The following PLCH1 variants were observed in gnomAD, a reference collection of about 807,000 sequenced individuals.
PLCH1 encodes the protein phospholipase C eta 1, also known as 1-phosphatidylinositol 4,5-bisphosphate phosphodiesterase eta-1.
Under a neutral mutation model 126.7 loss-of-function variants are expected in PLCH1, and 60 were observed. That is an observed-to-expected ratio of 0.47 (90% CI 0.38 to 0.59). The LOEUF is 0.59. PLCH1 is among the 20% of genes least tolerant of loss of function. The probability of loss-of-function intolerance (pLI) is 0.00; values close to 1 mark genes in which losing one functional copy is unlikely to be tolerated. For missense variants in PLCH1, 1,723 were observed against 2,040.0 expected (o/e 0.84, Z 2.99); for synonymous variants, 719 against 734.9 (o/e 0.98, Z 0.35).
intron 2 of PLCH1, among the ~76,000 whole-genome samples, chr3:155,652,537 G>C (rs1740831315): frequency 6.6e-6 from 1 of 152,138 alleles, no homozygotes; most frequent in Non-Finnish European, 1.5e-5. Context: ...AGCCCACTTT[G>C]AACATAGCAC....
intron 6 of PLCH1, among the ~76,000 whole-genome samples, chr3:155,581,884 G>C (rs1266290352): frequency 6.6e-6 from 1 of 151,180 alleles, no homozygotes; most frequent in Non-Finnish European, 1.5e-5. Context: ...CGAATAGCTG[G>C]GATTATAGGC....
rs34876965 is a variant in PLCH1 at position 155,725,451 on chromosome 3, C to CTTTT, written c.-41+19385_-41+19388dup. ...ATTCTGTATCCTTATATTTTAGACACTTTTTTTTTTTTTTGAGACAGAGTC... is the reference window on the plus strand; with the variant it reads ...ATTCTGTATCCTTATATTTTAGACACTTTTTTTTTTTTTTTTTTGAGACAGAGTC... On this transcript the variant is annotated intron_variant, in intron 1 of 22. Coordinates refer to ENST00000460012, the MANE Select transcript of PLCH1 (RefSeq NM_014996.4). Among the ~76,000 whole-genome samples the CTTTT allele has an allele frequency of 1.2e-3, 172 of 140,340 alleles. 2 individuals are homozygous for CTTTT. The highest frequency in any genetic ancestry group is 4.4e-3 in the East Asian group (21 of 4,786). 92.1% of individuals were successfully genotyped at this position (140,340 alleles called of 152,430 possible).
chr3:155,632,760 G>A lies in PLCH1; in HGVS notation c.80-36382C>T, dbSNP rs559220374. ...ATTAGTAAACTAAAGAGGATGGTCTGCACATGATCTGTAATATTATTATTA... is the reference window on the plus strand; with the variant it reads ...ATTAGTAAACTAAAGAGGATGGTCTACACATGATCTGTAATATTATTATTA... On this transcript the variant is annotated intron_variant, in intron 2 of 22. Coordinates refer to ENST00000460012, the MANE Select transcript of PLCH1 (RefSeq NM_014996.4). 2.0e-5 allele frequency among the ~76,000 whole-genome samples: 3 copies of A among 152,254 alleles called. No individual in the cohort carries two copies. The South Asian group carries it at 6.2e-4, about 32-fold the overall frequency.
intron 1 of PLCH1, among the ~76,000 whole-genome samples, chr3:155,708,061 T>C (rs2109095064): frequency 6.6e-6 from 1 of 152,078 alleles, no homozygotes; most frequent in East Asian, 1.9e-4. Flanking sequence ...TACTATGCAT[T>C]AGGAACATTG....
chr3:155,685,652 C>T (rs1744877776), intron 2 of PLCH1, among the ~76,000 whole-genome samples: 1 of 152,198 alleles, frequency 6.6e-6, no homozygotes, highest in Admixed American at 6.5e-5. Flanking sequence ...TTTTAAATCT[C>T]TCTAAGCCTC....
At chr3:155,557,734 G>T (rs1328083937) in intron 8 of PLCH1, among the ~76,000 whole-genome samples, 2 of 152,068 alleles carry the variant, frequency 1.3e-5, no homozygotes, top group East Asian at 1.9e-4. Flanking sequence ...TTTCAATCAG[G>T]TTACACACTA....
In PLCH1 at chr3:155,709,453, G is replaced by A. The variant is rs1021997688; in HGVS notation, c.-40-5189C>T. Among the ~76,000 whole-genome samples, 3 of 152,298 alleles carry A rather than the reference G, an allele frequency of 2.0e-5. No individual in the cohort carries two copies. The South Asian group carries it at 6.2e-4, about 32-fold the overall frequency. ...CTCTACATCTTTGCCAGCATTTGGT[G>A]TTACAAGTGTTCTGGATTTTGGCCT... On this transcript the variant is annotated intron_variant, in intron 1 of 22. Coordinates refer to ENST00000460012, the MANE Select transcript of PLCH1 (RefSeq NM_014996.4).
intron 10 of PLCH1, among the ~76,000 whole-genome samples, chr3:155,529,759 T>TTTTGTTTTGTTTTGTTTTGTTTTGTTTTG (rs1560117398): frequency 1.3e-5 from 2 of 150,522 alleles, no homozygotes; most frequent in African/African-American, 4.9e-5. Context: ...ATTTGCTTCT[T>TTTTGTTTTGTTTTGTTTTGTTTTGTTTTG]TTTTGTTTTG....
chr3:155,741,009 T>A (rs1387805060), intron 1 of PLCH1, among the ~76,000 whole-genome samples: 1 of 152,220 alleles, frequency 6.6e-6, no homozygotes, highest in Non-Finnish European at 1.5e-5. Context: ...CACGTTATCT[T>A]GGTTGTCCCT....
intron 5 of PLCH1, among the ~76,000 whole-genome samples, chr3:155,585,638 C>G (rs1383440885): frequency 6.6e-6 from 1 of 152,170 alleles, no homozygotes; most frequent in East Asian, 1.9e-4. Context: ...AATTGCCCTC[C>G]TAATCCTCAT....
At chr3:155,543,666 C>G (rs952422227) in intron 10 of PLCH1, among the ~76,000 whole-genome samples, 26 of 152,116 alleles carry the variant, frequency 1.7e-4, no homozygotes, top group African/African-American at 6.3e-4. Context: ...CAAAGGGAAG[C>G]CCATCAGACT....
intron 8 of PLCH1, among the ~76,000 whole-genome samples, chr3:155,554,949 C>T (rs544440994): frequency 2.0e-5 from 3 of 152,270 alleles, no homozygotes; most frequent in African/African-American, 7.2e-5. Context: ...CTCATTAGCT[C>T]TCAGCTGGAG....
intron 2 of PLCH1, among the ~76,000 whole-genome samples, chr3:155,632,702 T>C (rs1738196593): frequency 6.6e-6 from 1 of 152,206 alleles, no homozygotes; most frequent in South Asian, 2.1e-4. Flanking sequence ...GGGAGTGTTC[T>C]TAAAGTTATA....
chr3:155,612,716 G>A (rs1462533071), intron 2 of PLCH1, among the ~76,000 whole-genome samples: 1 of 151,892 alleles, frequency 6.6e-6, no homozygotes, highest in Non-Finnish European at 1.5e-5. Context: ...TTCGAGATCA[G>A]TGACTAACAT....
intron 10 of PLCH1, among the ~76,000 whole-genome samples, chr3:155,539,570 G>A (rs979889962): frequency 7.9e-5 from 12 of 151,972 alleles, no homozygotes; most frequent in Non-Finnish European, 1.5e-4. Context: ...CAGGATACAA[G>A]ATCAACATAC....
At chr3:155,680,659 A>G (rs1467870492) in intron 2 of PLCH1, among the ~76,000 whole-genome samples, 4 of 152,242 alleles carry the variant, frequency 2.6e-5, no homozygotes, top group African/African-American at 9.6e-5. Context: ...GGCAAGATGC[A>G]GCAAGATTTG....
intron 10 of PLCH1, among the ~76,000 whole-genome samples, chr3:155,526,427 CTCTCTCTCTCTCTCTTTT>C (rs1721925271): frequency 6.7e-6 from 1 of 148,196 alleles, no homozygotes; most frequent in East Asian, 2.0e-4. Context: ...TCTCTTCTGT[CTCTCTCTCTCTCTCTTTT>C]TCTCTCTCTC....
At chr3:155,711,646 ACT>A (rs1484074971) in intron 1 of PLCH1, among the ~76,000 whole-genome samples, 1 of 151,966 alleles carries the variant, frequency 6.6e-6, no homozygotes, top group African/African-American at 2.4e-5. Flanking sequence ...TCCTTCTCCC[ACT>A]CTCTGTTCAA....
chr3:155,471,605 C>A (rs373922399), intron 21 of PLCH1, among the ~76,000 whole-genome samples: 20,623 of 145,748 alleles, frequency 0.14, 3,414 homozygotes, highest in African/African-American at 0.42. Context: ...ACTCTCCACC[C>A]CAAATCAACA....
Sources: gnomAD v4.1 joint callset for allele counts (sites outside exome capture counted in the v4.1 genomes callset) on GRCh38, gnomAD v4.1.1 for gene constraint, MANE v1.5 for transcripts, NCBI Gene and HGNC (gene_info 2026-07-23, HGNC 2026-07-21) for gene names.